GUCY2D: variants seen among roughly 807,000 people sequenced by gnomAD.
The protein encoded by GUCY2D is guanylate cyclase 2D, retinal.
In GUCY2D, 70 loss-of-function variants were observed where a neutral mutation model predicts 101.3. The observed-to-expected ratio is 0.69, with a 90% CI of 0.57 to 0.84. GUCY2D has a LOEUF of 0.84. GUCY2D is among the 40% of genes least tolerant of loss of function. The probability of loss-of-function intolerance (pLI) is 0.00; values close to 1 mark genes in which losing one functional copy is unlikely to be tolerated. For missense variants in GUCY2D, 1,460 were observed against 1,542.5 expected, an observed-to-expected ratio of 0.95 and a Z score of 0.90; for synonymous variants, 688 against 670.7, an observed-to-expected ratio of 1.03 and a Z score of -0.40.
At position 8,013,249 on chromosome 17, in the gene GUCY2D, G is replaced by C. The variant is rs747951577; in HGVS notation, c.2260G>C (p.Glu754Gln). 6.2e-7 allele frequency: 1 copy of C among 1,614,024 alleles called. No homozygotes were observed. Among genetic ancestry groups the C allele is most frequent in the Non-Finnish European group, 8.5e-7 (1 of 1,179,960 alleles). The change falls in exon 11 of 20, where the codon GAG becomes CAG. Residue 754 changes from glutamate (E) to glutamine (Q), a missense_variant. Transcript: ENST00000254854. This position sits in a 1 kb window ranked among gnomAD's most constrained non-coding sequence, Gnocchi z 5.0. ...TTATGCCATGCTGGAGCTCACTCCCGAGGGTAAGGCTGCCCTGTGCGTGGA... is the reference window on the plus strand; with the variant it reads ...TTATGCCATGCTGGAGCTCACTCCCCAGGGTAAGGCTGCCCTGTGCGTGGA... ...APYAMLELTPEEVVQRVRSPP... is the reference protein window; with the variant it reads ...APYAMLELTPQEVVQRVRSPP...
At chr17:8,016,169 T>G in intron 17 of GUCY2D, 36 bp from the exon 18 acceptor site, 1 of 1,443,234 alleles carries the variant, frequency 6.9e-7, no homozygotes, top group Non-Finnish European at 9.6e-7. Flanking sequence ...CTCACCCCAG[T>G]CCGCCTAAGT....
chr17:8,016,120 TG>T, intron 17 of GUCY2D, 84 bp from the exon 18 acceptor site: 1 of 1,338,486 alleles, frequency 7.5e-7, no homozygotes. Flanking sequence ...CCTTCTGACC[TG>T]GTCTCCCAGT....
Position 8,012,179 on chromosome 17 carries a change from C to A in GUCY2D, c.1785C>A (p.Tyr595Ter). The A allele has an allele frequency of 6.2e-7, 1 of 1,614,084 alleles. No individual in the cohort carries two copies. The part of the protein sequence containing the change: ...QELRHENVAL[Y>*]LGLFLARGAE... Reference sequence around the variant, plus strand: ...TCCGGCATGAGAACGTGGCCCTCTACCTGGGGCTTTTCCTGGCTCGGGGAG... The same window carrying A: ...TCCGGCATGAGAACGTGGCCCTCTAACTGGGGCTTTTCCTGGCTCGGGGAG... Residue 595 changes from tyrosine to a stop codon, truncating the protein, a stop_gained, in exon 9 of 20, where the codon TAC becomes TAA. Coordinates refer to ENST00000254854, the MANE Select transcript of GUCY2D (RefSeq NM_000180.4). LOFTEE classifies it high-confidence loss of function.
rs1266207382 is a variant in GUCY2D at position 8,016,616 on chromosome 17, C to A, written c.*24+62C>A. 6.0e-6 allele frequency: 5 copies of A among 832,654 alleles called. No individual in the cohort carries two copies. The East Asian group carries it at 1.3e-4, about 22-fold the overall frequency. 51.6% of individuals were successfully genotyped at this position (832,654 alleles called of 1,614,324 possible). A position where few individuals can be genotyped will look rare whatever the true frequency, so the allele number is the denominator to read the frequency against. On this transcript the variant is annotated intron_variant, in intron 19 of 19. Transcript: ENST00000254854. Reference sequence around the variant, plus strand: ...CCCCTCTGCTGCCTGCAGAACGTCCCACCCAAGCCAGGTGTCCCGATCCCT... The same window carrying A: ...CCCCTCTGCTGCCTGCAGAACGTCCAACCCAAGCCAGGTGTCCCGATCCCT...
At chr17:8,016,872 A>G in intron 19 of GUCY2D, 1 of 267,818 alleles carries the variant, frequency 3.7e-6, no homozygotes, top group Non-Finnish European at 7.2e-6. Flanking sequence ...ACAAGAGACA[A>G]CTCTAGGGGG....
rs754431996 is a variant in GUCY2D at position 8,012,202 on chromosome 17, GA to G, written c.1809del (p.Ala604GlnfsTer33). ...TACCTGGGGCTTTTCCTGGCTCGGG[GA>G]GCAGAAGGCCCTGCGGCCCTCTGGG... is the stretch of plus-strand genomic sequence containing the variant. ...ALYLGLFLAR[G>X]AEGPAALWEG... is the part of the protein sequence containing the mutation. On this transcript the variant is annotated frameshift_variant, in exon 9 of 20. Transcript: ENST00000254854. LOFTEE classifies it high-confidence loss of function. The G allele has an allele frequency of 6.2e-7, 1 of 1,614,138 alleles. No homozygotes were observed. The highest frequency in any genetic ancestry group is 1.3e-5 in the African/African-American group (1 of 75,058).
In GUCY2D at chr17:8,013,037, C is replaced by T; in HGVS notation, c.2114-66C>T. 6.5e-7 allele frequency: 1 copy of T among 1,527,144 alleles called. No homozygotes were observed. 94.6% of individuals were successfully genotyped at this position (1,527,144 alleles called of 1,614,324 possible). On this transcript the variant is annotated intron_variant, in intron 10 of 19. Transcript: ENST00000254854. The surrounding 1 kb of genome is among the most constrained non-coding windows in gnomAD (Gnocchi z 5.0). The stretch of plus-strand genomic sequence containing the variant: ...AGGGTTGGTGGTGTCTGGGTGCCAA[C>T]CTGGGCTTTCTGGTGAGGGTGGGAG...
rs941887313 is a variant in GUCY2D, at chr17:8,012,714, C to G, written c.2113+108C>G. On this transcript the variant is annotated intron_variant, in intron 10 of 19. Transcript: ENST00000254854. ...CCCTCGCACTCTCTTCATCCCACATCCACCAGACACAATTCCTGCTACAGA... is the reference window on the plus strand; with the variant it reads ...CCCTCGCACTCTCTTCATCCCACATGCACCAGACACAATTCCTGCTACAGA... 6.9e-6 allele frequency: 6 copies of G among 875,296 alleles called. No homozygotes were observed. In the Admixed American group the frequency reaches 1.2e-4, roughly 17 times the overall value. 54.2% of individuals were successfully genotyped at this position (875,296 alleles called of 1,614,324 possible).
chr17:8,016,342 T>C (rs908221506), intron 18 of GUCY2D, 52 bp downstream of exon 18: 2 of 1,448,330 alleles, frequency 1.4e-6, no homozygotes, highest in African/African-American at 2.8e-5. Flanking sequence ...CCCTGCCTCC[T>C]GCTCTGTGTC....
chr17:8,014,817 G>C lies in GUCY2D; in HGVS notation c.2577-42G>C. The C allele has an allele frequency of 1.2e-6, 2 of 1,611,600 alleles. No homozygotes were observed. Among genetic ancestry groups the C allele is most frequent in the Non-Finnish European group, 1.7e-6 (2 of 1,177,822 alleles). On this transcript the variant is annotated intron_variant, in intron 13 of 19. Coordinates refer to ENST00000254854, the MANE Select transcript of GUCY2D (RefSeq NM_000180.4). This position sits in a 1 kb window ranked among gnomAD's most constrained non-coding sequence, Gnocchi z 4.0. ...GGGAGGGCAGCTGGAGCCCAGCCAG[G>C]TAGAGTGGCCCCCAGGTGACCTCAC...
In GUCY2D at chr17:8,003,192, G is replaced by T. The variant is rs771232307; in HGVS notation, c.145G>T (p.Ala49Ser). 138 of 1,517,456 alleles carry T rather than the reference G, an allele frequency of 9.1e-5. No homozygotes were observed. The highest frequency in any genetic ancestry group is 9.3e-5 in the Non-Finnish European group (106 of 1,138,526). The allele number at this position is 1,517,456 out of a possible 1,614,324, so 94.0% of individuals were successfully genotyped here. A position where few individuals can be genotyped will look rare whatever the true frequency, so the allele number is the denominator to read the frequency against. The change falls in exon 2 of 20, where the codon GCC becomes TCC. Residue 49 changes from alanine (A) to serine (S), a missense_variant. This residue lies in a region of GUCY2D where 1,196 missense variants were observed against 1,229.6 expected (regional missense o/e 0.97). Transcript: ENST00000254854. ...GCTCCTGCTTCTGCTGCAGCCCCCC[G>T]CCCTCTCCGCCGTGTTCACGGTGGG... ...LLLLLLLQPP[A>S]LSAVFTVGVL...
At chr17:8,006,105 G>A (rs988109409) in intron 3 of GUCY2D, among the ~76,000 whole-genome samples, 2 of 152,108 alleles carry the variant, frequency 1.3e-5, no homozygotes, top group South Asian at 2.1e-4. Flanking sequence ...GAACCAGTTA[G>A]TGGGGAGAGC....
At position 8,015,491 on chromosome 17, in the gene GUCY2D, G is replaced by T. The variant is rs754320374; in HGVS notation, c.2933G>T (p.Gly978Val). The change falls in exon 15 of 20, where the codon GGC (glycine) becomes GTC (valine). Residue 978 changes from glycine (G) to valine (V), a missense_variant. Gly to Val is a moderately radical substitution (Grantham distance 109). Coordinates refer to ENST00000254854, the MANE Select transcript of GUCY2D (RefSeq NM_000180.4). ...MPEVPVRIRI[G>V]LHSGPCVAGV... ...GAGGTTCCCGTGCGCATCCGCATAG[G>T]CCTGCACTCGGGTAACTCCCGGGTC... is the stretch of plus-strand genomic sequence containing the variant. 1.9e-6 allele frequency: 3 copies of T among 1,611,906 alleles called. No individual in the cohort carries two copies. The highest frequency in any genetic ancestry group is 2.2e-5 in the East Asian group (1 of 44,870).
chr17:8,004,132 GC>G lies in GUCY2D; in HGVS notation c.1005del (p.Ser336LeufsTer59). On this transcript the variant is annotated frameshift_variant, in exon 3 of 20. Coordinates refer to ENST00000254854, the MANE Select transcript of GUCY2D (RefSeq NM_000180.4). LOFTEE classifies it high-confidence loss of function. The stretch of plus-strand genomic sequence containing the variant: ...GCAGGGCTCAAGAGCGCCGCGAGCT[GC>G]CCTCTGACCTCAATCTGCAGCAGGT... ...LRRAQERREL[P>X]SDLNLQQVSP... 6.3e-7 allele frequency: 1 copy of G among 1,596,110 alleles called. No individual in the cohort carries two copies. Among genetic ancestry groups the G allele is most frequent in the South Asian group, 1.1e-5 (1 of 90,858 alleles).
In GUCY2D at chr17:8,002,977, G is replaced by C. The variant is rs1042929481; in HGVS notation, c.-9-62G>C. 1.0e-5 allele frequency: 13 copies of C among 1,299,212 alleles called. No individual in the cohort carries two copies. The highest frequency in any genetic ancestry group is 1.4e-5 in the Non-Finnish European group (13 of 948,500). 80.5% of individuals were successfully genotyped at this position (1,299,212 alleles called of 1,614,324 possible). A position where few individuals can be genotyped will look rare whatever the true frequency, so the allele number is the denominator to read the frequency against. ...CGGGCTTGGAGAAACTCGGGGTTACGGGGAGAACCCTAGGGGAGGCCGGGG... is the reference window on the plus strand; with the variant it reads ...CGGGCTTGGAGAAACTCGGGGTTACCGGGAGAACCCTAGGGGAGGCCGGGG... On this transcript the variant is annotated intron_variant, in intron 1 of 19. Coordinates refer to ENST00000254854, the MANE Select transcript of GUCY2D (RefSeq NM_000180.4). The surrounding 1 kb of genome is among the most constrained non-coding windows in gnomAD (Gnocchi z 4.9).
intron 14 of GUCY2D, 102 bp downstream of exon 14, chr17:8,015,153 T>C: frequency 8.7e-7 from 1 of 1,154,938 alleles, no homozygotes; most frequent in Non-Finnish European, 1.3e-6. Context: ...GCCCAATCAA[T>C]CTTCTTTCCC....
In GUCY2D at chr17:8,008,015, A is replaced by T; in HGVS notation, c.1651A>T (p.Asn551Tyr). The T allele has an allele frequency of 6.2e-7, 1 of 1,610,044 alleles. No individual in the cohort carries two copies. Among genetic ancestry groups the T allele is most frequent in the South Asian group, 1.1e-5 (1 of 90,882 alleles). ...SGPSQHLDSP[N>Y]IGVYEGDRVW... is the part of the protein sequence containing the mutation. ...CCCCAGCCAACACTTGGACAGCCCC[A>T]ACATTGGTGTCTATGAGGTGAGCCT... The change falls in exon 7 of 20, where the codon AAC (asparagine) becomes TAC (tyrosine). Residue 551 changes from asparagine (N) to tyrosine (Y), a missense_variant. This residue lies in a region of GUCY2D where 1,196 missense variants were observed against 1,229.6 expected (regional missense o/e 0.97). Coordinates refer to ENST00000254854, the MANE Select transcript of GUCY2D (RefSeq NM_000180.4).
intron 9 of GUCY2D, 24 bp from the exon 10 acceptor site, chr17:8,012,426 G>C: frequency 6.2e-7 from 1 of 1,613,662 alleles, no homozygotes; most frequent in Non-Finnish European, 8.5e-7. Flanking sequence ...GGCTGAGGCT[G>C]CCTCTTACCC....
At position 8,016,500 on chromosome 17, in the gene GUCY2D, G is replaced by A. The variant is rs281865413; in HGVS notation, c.3282G>A (p.Leu1094=). Residue 1094 remains leucine, a synonymous_variant, in exon 19 of 20, where the codon CTG becomes CTA. Coordinates refer to ENST00000254854, the MANE Select transcript of GUCY2D (RefSeq NM_000180.4). ...QEIPPERRRK[L]EKARPGQFS ...TCCCACCCGAGCGGCGACGGAAGCT[G>A]GAGAAGGCGCGGCCGGGCCAGTTCT... 134 of 1,580,194 alleles carry A rather than the reference G, an allele frequency of 8.5e-5. No individual in the cohort carries two copies. In the Middle Eastern group the frequency reaches 1.2e-3, roughly 14 times the overall value.
Sources: allele counts gnomAD v4.1 joint callset (sites outside exome capture counted in the v4.1 genomes callset), GRCh38; gene constraint gnomAD v4.1.1; regional missense constraint gnomAD v4.1.1; non-coding constraint Gnocchi (gnomAD v3.1); transcripts MANE v1.5; gene names NCBI Gene and HGNC (gene_info 2026-07-23, HGNC 2026-07-21).